Variants in LRP1B observed in about 807,000 individuals in gnomAD.
LRP1B encodes LDL receptor related protein 1B, also known as low-density lipoprotein receptor-related protein 1B.
In LRP1B, 217 loss-of-function variants were observed where a neutral mutation model predicts 556.6. The observed-to-expected ratio is 0.39, with a 90% confidence interval of 0.35 to 0.44. LRP1B has a LOEUF of 0.44. Among genes scored for constraint, LRP1B ranks in the 20% least tolerant of loss-of-function variants. The probability of loss-of-function intolerance (pLI) is 1.00; values close to 1 mark genes in which losing one functional copy is unlikely to be tolerated. For missense variants in LRP1B, 5,053 were observed against 5,620.8 expected (o/e 0.90, Z 3.23); for synonymous variants, 2,047 against 1,865.8 (o/e 1.10, Z -2.50).
In LRP1B at chr2:140,813,781, G is replaced by T. The variant is rs1234595459; in HGVS notation, c.5235C>A (p.Asn1745Lys). The change falls in exon 32 of 91, where the codon AAC becomes AAA. Residue 1745 changes from asparagine to lysine, a missense_variant. Around this residue, in one of 5 missense-constraint regions of LRP1B, gnomAD observed 3,619 missense variants for 3,931.9 expected, o/e 0.92. Coordinates refer to ENST00000389484, the MANE Select transcript of LRP1B (RefSeq NM_018557.3). Reference sequence around the variant, plus strand: ...TCCCTGAACTGATCCAATAAAGCTTGTTTTCCACATAGTCTATCGATAGAC... The same window carrying T: ...TCCCTGAACTGATCCAATAAAGCTTTTTTTCCACATAGTCTATCGATAGAC... Reference protein sequence around the residue: ...PVGLSIDYVENKLYWISSGNG... With the variant: ...PVGLSIDYVEKKLYWISSGNG... The T allele has an allele frequency of 6.2e-7, 1 of 1,608,240 alleles. No homozygotes were observed. The highest frequency in any genetic ancestry group is 8.5e-7 in the Non-Finnish European group (1 of 1,175,258).
chr2:141,499,897 T>C (rs1559107009), intron 2 of LRP1B, among the ~76,000 whole-genome samples: 2 of 152,090 alleles, frequency 1.3e-5, no homozygotes, highest in Non-Finnish European at 2.9e-5. Flanking sequence ...TACTTCTTTT[T>C]TTTAGAACAC....
chr2:141,375,184 A>G (rs1193303973), intron 3 of LRP1B, among the ~76,000 whole-genome samples: 2 of 151,990 alleles, frequency 1.3e-5, no homozygotes, highest in Non-Finnish European at 2.9e-5. Context: ...GGCTTAGGGT[A>G]TATTTATTAG....
intron 5 of LRP1B, among the ~76,000 whole-genome samples, chr2:141,233,352 C>T (rs1380198215): frequency 6.6e-6 from 1 of 152,202 alleles, no homozygotes; most frequent in Non-Finnish European, 1.5e-5. Flanking sequence ...TCATACTCCT[C>T]ACCACTCCTT....
chr2:141,923,891 G>A (rs1023323501), intron 1 of LRP1B, among the ~76,000 whole-genome samples: 4 of 151,928 alleles, frequency 2.6e-5, no homozygotes, highest in Non-Finnish European at 4.4e-5. Context: ...ATTAAACTAA[G>A]GGAATGAATC....
chr2:140,456,817 G>A (rs1305279750), intron 61 of LRP1B, among the ~76,000 whole-genome samples: 1 of 151,998 alleles, frequency 6.6e-6, no homozygotes, highest in African/African-American at 2.4e-5. Context: ...TAATTTTAAA[G>A]GTGCATTTCT....
chr2:142,128,918 A>G (rs1318933905), intron 1 of LRP1B, among the ~76,000 whole-genome samples: 1 of 152,138 alleles, frequency 6.6e-6, no homozygotes, highest in Non-Finnish European at 1.5e-5. Context: ...AATTCTCTTC[A>G]GATATTTACT....
chr2:141,760,209 A>G (rs560794444), intron 2 of LRP1B, among the ~76,000 whole-genome samples: 10 of 152,342 alleles, frequency 6.6e-5, no homozygotes, highest in African/African-American at 2.2e-4. Context: ...AAAACTGGAA[A>G]GAAACCCAGT....
intron 3 of LRP1B, among the ~76,000 whole-genome samples, chr2:141,374,709 A>G (rs1195045398): frequency 6.6e-6 from 1 of 152,146 alleles, no homozygotes; most frequent in African/African-American, 2.4e-5. Context: ...GTGATATTTT[A>G]GTCCCATAAT....
intron 1 of LRP1B, among the ~76,000 whole-genome samples, chr2:142,127,475 C>A (rs1414249263): frequency 6.6e-6 from 1 of 151,868 alleles, no homozygotes; most frequent in Non-Finnish European, 1.5e-5. Flanking sequence ...CTGTTTTCTG[C>A]AATTCACATT....
intron 75 of LRP1B, among the ~76,000 whole-genome samples, chr2:140,353,831 C>A (rs1476859116): frequency 6.6e-6 from 1 of 151,954 alleles, no homozygotes; most frequent in Non-Finnish European, 1.5e-5. Context: ...AAGATTTGGG[C>A]ACATCTCTAA....
chr2:141,746,565 A>G (rs1693921445), intron 2 of LRP1B, among the ~76,000 whole-genome samples: 1 of 151,810 alleles, frequency 6.6e-6, no homozygotes, highest in Non-Finnish European at 1.5e-5. Flanking sequence ...GTCTTTTCTA[A>G]CCTCTTCAGT....
At position 140,913,745 on chromosome 2, in the gene LRP1B, T is replaced by G. The variant is rs190546299; in HGVS notation, c.3320-5668A>C. Among the ~76,000 whole-genome samples the G allele has an allele frequency of 1.4e-4, 22 of 152,154 alleles. No individual in the cohort carries two copies. The East Asian group carries it at 1.5e-3, about 11-fold the overall frequency. On this transcript the variant is annotated intron_variant, in intron 21 of 90. Transcript: ENST00000389484. ...AAAATTCTAATTTTTATATTTGCTT[T>G]TTATTTTATGCTAAGCATTACCTTG...
Position 140,541,076 on chromosome 2 carries a change from T to C in LRP1B, c.7410A>G (p.Leu2470=), listed in dbSNP as rs535215991. 7.8e-5 allele frequency: 126 copies of C among 1,610,220 alleles called. 4 individuals carry two copies. The South Asian group carries it at 1.3e-3, about 17-fold the overall frequency. ...TNSCELSPCA[L]LNGGCHDLCL... ...ACAAGTCATGGCAGCCTCCATTCAA[T>C]AATGCACATGGAGAAAGTTCACCTA... The change falls in exon 45 of 91, where the codon TTA becomes TTG. Residue 2470 remains leucine (L), a synonymous_variant. Coordinates refer to ENST00000389484, the MANE Select transcript of LRP1B (RefSeq NM_018557.3).
chr2:140,438,675 G>C (rs1391518524), intron 66 of LRP1B, among the ~76,000 whole-genome samples: 2 of 152,214 alleles, frequency 1.3e-5, no homozygotes, highest in Admixed American at 6.5e-5. Flanking sequence ...GCCCTAGTTA[G>C]TGTGATTATA....
At chr2:141,038,519 A>G (rs1698604537) in intron 11 of LRP1B, among the ~76,000 whole-genome samples, 1 of 152,088 alleles carries the variant, frequency 6.6e-6, no homozygotes, top group South Asian at 2.1e-4. Flanking sequence ...TCAGAGTCAC[A>G]TTTTTAAACA....
intron 2 of LRP1B, among the ~76,000 whole-genome samples, chr2:141,553,252 C>T (rs896880296): frequency 4.6e-5 from 7 of 151,738 alleles, no homozygotes; most frequent in African/African-American, 1.7e-4. Context: ...TTTTAAGAAA[C>T]ATAATGTTGG....
At chr2:140,530,632 A>G (rs1690650252) in intron 47 of LRP1B, among the ~76,000 whole-genome samples, 1 of 152,136 alleles carries the variant, frequency 6.6e-6, no homozygotes, top group Non-Finnish European at 1.5e-5. Context: ...GTTTATCCTA[A>G]AGGAGCTGGT....
intron 32 of LRP1B, among the ~76,000 whole-genome samples, chr2:140,792,101 A>G (rs1015530489): frequency 2.6e-5 from 4 of 151,984 alleles, no homozygotes; most frequent in Admixed American, 6.6e-5. Flanking sequence ...TTCCCCCCAT[A>G]TATTTCCCAC....
At chr2:141,279,282 G>A (rs940593259) in intron 3 of LRP1B, among the ~76,000 whole-genome samples, 1 of 151,876 alleles carries the variant, frequency 6.6e-6, no homozygotes, top group Non-Finnish European at 1.5e-5. Flanking sequence ...TTTGGGGAAG[G>A]AATCAAGGCA....
Sources: allele counts gnomAD v4.1 joint callset (sites outside exome capture counted in the v4.1 genomes callset), GRCh38; gene constraint gnomAD v4.1.1; regional missense constraint gnomAD v4.1.1; transcripts MANE v1.5; gene names NCBI Gene and HGNC (gene_info 2026-07-23, HGNC 2026-07-21).